Variants in MKLN1 observed in about 807,000 individuals in gnomAD.
The protein encoded by MKLN1 is muskelin.
A neutral mutation model predicts 99.0 loss-of-function variants in MKLN1; 18 were observed. The observed-to-expected ratio is 0.18, with a 90% CI of 0.13 to 0.27. The LOEUF (loss-of-function observed/expected upper bound fraction) is 0.27, where lower values mean the gene tolerates loss of function less well. Among genes scored for constraint, MKLN1 ranks in the 10% least tolerant of loss-of-function variants. The pLI is 1.00. For missense variants in MKLN1, 621 were observed against 875.9 expected (o/e 0.71, Z 3.67); for synonymous variants, 288 against 293.2 (o/e 0.98, Z 0.18).
At chr7:131,355,041 A>G (rs918110651) in intron 1 of MKLN1, among the ~76,000 whole-genome samples, 1 of 152,010 alleles carries the variant, frequency 6.6e-6, no homozygotes, top group Non-Finnish European at 1.5e-5. Context: ...TGGCCTCCCA[A>G]AGTGCTGGGA....
chr7:131,355,271 T>G (rs992438486), intron 1 of MKLN1, among the ~76,000 whole-genome samples: 7 of 152,230 alleles, frequency 4.6e-5, no homozygotes, highest in African/African-American at 1.7e-4. Context: ...TAATGTGAAA[T>G]TTATTATTTG....
Position 131,493,878 on chromosome 7 carries a change from G to T in MKLN1, c.*6150G>T, listed in dbSNP as rs1044459572. On this transcript the variant is annotated 3_prime_UTR_variant, in exon 18 of 18. Coordinates refer to ENST00000352689, the MANE Select transcript of MKLN1 (RefSeq NM_013255.5). ...TCTTCAGTTTCATTCATTACTTAATGAATGCCAAATTAATTGGCAGGAAGA... is the reference window on the plus strand; with the variant it reads ...TCTTCAGTTTCATTCATTACTTAATTAATGCCAAATTAATTGGCAGGAAGA... 9.9e-5 allele frequency: 15 copies of T among 152,176 alleles called. No individual in the cohort carries two copies. Among genetic ancestry groups the T allele is most frequent in the African/African-American group, 3.6e-4 (15 of 41,442 alleles). 9.4% of individuals were successfully genotyped at this position (152,176 alleles called of 1,614,324 possible).
intron 2 of MKLN1, among the ~76,000 whole-genome samples, chr7:131,161,753 GTGGTCTCGATCTCC>G (rs1796052546): frequency 6.6e-6 from 1 of 151,190 alleles, no homozygotes; most frequent in Admixed American, 6.6e-5. Flanking sequence ...GGGTTTCACC[GTGGTCTCGATCTCC>G]TGACCTCGTG....
chr7:131,133,643 C>T (rs1341235162), intron 1 of MKLN1, among the ~76,000 whole-genome samples: 3 of 151,378 alleles, frequency 2.0e-5, no homozygotes, highest in Admixed American at 6.6e-5. Flanking sequence ...TGAGCCACCG[C>T]GCCCAGCCTC....
chr7:131,203,906 T>C (rs1215810589), intron 3 of MKLN1, among the ~76,000 whole-genome samples: 3 of 152,176 alleles, frequency 2.0e-5, no homozygotes, highest in Admixed American at 6.5e-5. Flanking sequence ...CCCTCATTTA[T>C]TGATGACTCC....
intron 3 of MKLN1, among the ~76,000 whole-genome samples, chr7:131,242,221 A>G (rs1017239479): frequency 1.3e-5 from 2 of 152,186 alleles, no homozygotes; most frequent in African/African-American, 4.8e-5. Context: ...TTTTGGAGGA[A>G]AGTATTTTCC....
chr7:131,144,495 AAG>A (rs1795787898), intron 2 of MKLN1, among the ~76,000 whole-genome samples: 1 of 151,492 alleles, frequency 6.6e-6, no homozygotes, highest in African/African-American at 2.4e-5. Flanking sequence ...AAAAAAAAAA[AAG>A]TTTTTCTTTT....
At chr7:131,297,135 G>GAGGAGATTGAGAACAGGAGATTGAGAAC (rs1378132136) in intron 3 of MKLN1, among the ~76,000 whole-genome samples, 1 of 152,098 alleles carries the variant, frequency 6.6e-6, no homozygotes, top group Non-Finnish European at 1.5e-5. Context: ...GGCAGATCAC[G>GAGGAGATTGAGAACAGGAGATTGAGAAC]AGGAGATTGA....
intron 1 of MKLN1, among the ~76,000 whole-genome samples, chr7:131,338,571 G>T (rs1375477475): frequency 6.6e-6 from 1 of 152,244 alleles, no homozygotes; most frequent in Non-Finnish European, 1.5e-5. Context: ...GTTTAAGAGG[G>T]AGTGTTGATC....
chr7:131,322,999 C>G (rs1487713887), upstream of MKLN1, among the ~76,000 whole-genome samples: 1 of 152,214 alleles, frequency 6.6e-6, no homozygotes. Context: ...GTGGGGATTA[C>G]AATTCGAGAT....
At chr7:131,444,725 AGT>A (rs1263701546) in intron 11 of MKLN1, among the ~76,000 whole-genome samples, 12 of 20,992 alleles carry the variant, frequency 5.7e-4, no homozygotes, top group African/African-American at 1.7e-3. Flanking sequence ...TTTGAGTAGT[AGT>A]AGTAGTAGTA....
intron 3 of MKLN1, among the ~76,000 whole-genome samples, chr7:131,208,421 C>T (rs1252716095): frequency 6.6e-6 from 1 of 152,058 alleles, no homozygotes; most frequent in Non-Finnish European, 1.5e-5. Context: ...CAGGAAAACC[C>T]TGTCTCAACA....
chr7:131,276,837 ACT>A (rs1455203165), intron 3 of MKLN1, among the ~76,000 whole-genome samples: 1 of 152,062 alleles, frequency 6.6e-6, no homozygotes, highest in African/African-American at 2.4e-5. Flanking sequence ...ACTTTCAGTG[ACT>A]CTGTCTGACT....
At chr7:131,471,790 G>T (rs1796827302) in intron 16 of MKLN1, 1 of 152,200 alleles carries the variant, frequency 6.6e-6, no homozygotes, top group African/African-American at 2.4e-5. Flanking sequence ...GTATCAAGCT[G>T]TGCCCGGCAT....
intron 3 of MKLN1, among the ~76,000 whole-genome samples, chr7:131,278,152 C>T (rs1027387092): frequency 1.3e-5 from 2 of 152,136 alleles, no homozygotes; most frequent in African/African-American, 4.8e-5. Flanking sequence ...AAGCCAATCT[C>T]CCACCTCAGC....
intron 1 of MKLN1, among the ~76,000 whole-genome samples, chr7:131,141,611 T>C (rs1471169399): frequency 6.6e-6 from 1 of 152,226 alleles, no homozygotes; most frequent in African/African-American, 2.4e-5. Context: ...TAATCATTCA[T>C]GTTCTTTCCA....
intron 12 of MKLN1, among the ~76,000 whole-genome samples, chr7:131,457,273 A>G (rs1330949325): frequency 1.3e-5 from 2 of 151,482 alleles, no homozygotes; most frequent in East Asian, 1.9e-4. Context: ...GCGAAACTCC[A>G]TCTCAAAAAA....
chr7:131,329,851 T>C (rs1799018867), intron 1 of MKLN1, among the ~76,000 whole-genome samples: 1 of 152,246 alleles, frequency 6.6e-6, no homozygotes, highest in South Asian at 2.1e-4. Context: ...AATACATTGC[T>C]GCAATTTTCT....
At chr7:131,410,278 T>A (rs979286816) in intron 6 of MKLN1, among the ~76,000 whole-genome samples, 2 of 152,134 alleles carry the variant, frequency 1.3e-5, no homozygotes, top group Admixed American at 1.3e-4. Context: ...GCCCCACCAT[T>A]TAAGAGCTGT....
Sources: allele counts gnomAD v4.1 joint callset (sites outside exome capture counted in the v4.1 genomes callset), GRCh38; gene constraint gnomAD v4.1.1; transcripts MANE v1.5; gene names NCBI Gene and HGNC (gene_info 2026-07-23, HGNC 2026-07-21).